TFB2M: variants seen among roughly 807,000 people sequenced by gnomAD.
TFB2M encodes the protein transcription factor B2, mitochondrial.
Under a neutral mutation model 41.3 loss-of-function variants are expected in TFB2M, and 44 were observed. The ratio of observed to expected loss-of-function variants is 1.07; its 90% CI spans 0.84 to 1.37. The LOEUF (loss-of-function observed/expected upper bound fraction) is 1.37. Among genes scored for constraint, TFB2M ranks in the 40% most tolerant of loss-of-function variants. The pLI is 0.00. For missense variants in TFB2M, 496 were observed against 490.2 expected (o/e 1.01, Z -0.11); for synonymous variants, 188 against 176.8 (o/e 1.06, Z -0.50).
chr1:246,548,508 T>C (rs754471878), intron 6 of TFB2M, 37 bp downstream of exon 6: 2 of 1,552,554 alleles, frequency 1.3e-6, no homozygotes, highest in South Asian at 1.2e-5. Flanking sequence ...ATACGTCACG[T>C]AGGGAGAAAA....
chr1:246,556,772 C>T, intron 3 of TFB2M, 51 bp from the exon 4 acceptor site: 2 of 1,447,714 alleles, frequency 1.4e-6, no homozygotes, highest in Non-Finnish European at 1.8e-6. Context: ...AGCATTTTGT[C>T]CTATGTCCAT....
chr1:246,557,641 A>G lies in TFB2M; in HGVS notation c.403-107T>C, dbSNP rs1659359798. On this transcript the variant is annotated intron_variant, in intron 2 of 7. Coordinates refer to ENST00000366514, the MANE Select transcript of TFB2M (RefSeq NM_022366.3). Reference sequence around the variant, plus strand: ...AAACCATAATAAAATGTAAAAATAAAAATAATTCAATTACCTGGGGTTTTT... The same window carrying G: ...AAACCATAATAAAATGTAAAAATAAGAATAATTCAATTACCTGGGGTTTTT... 5 of 969,126 alleles carry G rather than the reference A, an allele frequency of 5.2e-6. No homozygotes were observed. In the South Asian group the frequency reaches 1.0e-4, roughly 20 times the overall value. 60.0% of individuals were successfully genotyped at this position (969,126 alleles called of 1,614,324 possible).
chr1:246,542,286 A>G (rs988068407), intron 7 of TFB2M, among the ~76,000 whole-genome samples: 2 of 150,878 alleles, frequency 1.3e-5, no homozygotes, highest in Non-Finnish European at 2.9e-5. Context: ...TATATAATCA[A>G]TGAGGTATAT....
At chr1:246,548,783 AGAG>A (rs931528094) in intron 5 of TFB2M, among the ~76,000 whole-genome samples, 176 bp from the exon 6 acceptor site, 8 of 152,314 alleles carry the variant, frequency 5.3e-5, no homozygotes, top group African/African-American at 1.4e-4. Context: ...ATTTTTTTAA[AGAG>A]GAGGAGGATC....
intron 5 of TFB2M, among the ~76,000 whole-genome samples, chr1:246,550,753 C>T (rs1191361891): frequency 1.3e-5 from 2 of 152,186 alleles, no homozygotes; most frequent in South Asian, 2.1e-4. Flanking sequence ...TGTGGCGGTG[C>T]ACGCCTGTAG....
At chr1:246,565,624 A>T (rs1162418815) in intron 1 of TFB2M, among the ~76,000 whole-genome samples, 1 of 152,210 alleles carries the variant, frequency 6.6e-6, no homozygotes, top group East Asian at 1.9e-4. Context: ...AGGCAGGAGA[A>T]TCGCCTGAAC....
chr1:246,544,833 T>A, intron 6 of TFB2M, 152 bp from the exon 7 acceptor site: 1 of 639,966 alleles, frequency 1.6e-6, no homozygotes, highest in African/African-American at 1.9e-5. Context: ...GGAGATAGAG[T>A]CTCACTCTGT....
In TFB2M at chr1:246,540,670, A is replaced by T. The variant is rs2102981155; in HGVS notation, c.*361T>A. The T allele has an allele frequency of 5.8e-6, 1 of 172,918 alleles. No individual in the cohort carries two copies. Among genetic ancestry groups the T allele is most frequent in the East Asian group, 1.6e-4 (1 of 6,214 alleles). The allele number at this position is 172,918 out of a possible 1,614,324, so 10.7% of individuals were successfully genotyped here. On this transcript the variant is annotated 3_prime_UTR_variant, in exon 8 of 8. Coordinates refer to ENST00000366514, the MANE Select transcript of TFB2M (RefSeq NM_022366.3). ...ATTTCAACAAACTGAAAGGCAAACC[A>T]GTAAATCAGTTTTGCTTACTTTCTA...
chr1:246,551,306 G>A lies in TFB2M; in HGVS notation c.706-4C>T. 1.9e-6 allele frequency: 3 copies of A among 1,603,092 alleles called. No individual in the cohort carries two copies. The highest frequency in any genetic ancestry group is 1.7e-6 in the Non-Finnish European group (2 of 1,170,192). ...TTCCGGGATCTGCCATTAGTTTCTA[G>A]TAAAAGGAAAATAAAAATTACATGT... is the stretch of plus-strand genomic sequence containing the variant. On this transcript the variant is annotated splice_polypyrimidine_tract_variant and splice_region_variant and intron_variant, in intron 4 of 7. Coordinates refer to ENST00000366514, the MANE Select transcript of TFB2M (RefSeq NM_022366.3).
chr1:246,564,466 G>C, intron 1 of TFB2M, 32 bp from the exon 2 acceptor site: 1 of 1,585,620 alleles, frequency 6.3e-7, no homozygotes, highest in Non-Finnish European at 8.7e-7. Context: ...AAGTTTATTT[G>C]TACAAGAAAC....
At chr1:246,557,357 G>A in intron 3 of TFB2M, 24 bp downstream of exon 3, 2 of 1,604,128 alleles carry the variant, frequency 1.2e-6, no homozygotes, top group Non-Finnish European at 1.7e-6. Flanking sequence ...CTAGGTATTT[G>A]CTTTAGTAAA....
chr1:246,555,540 C>A (rs960102610), intron 4 of TFB2M, among the ~76,000 whole-genome samples: 3 of 152,050 alleles, frequency 2.0e-5, no homozygotes, highest in Non-Finnish European at 2.9e-5. Context: ...TCACTGCACT[C>A]CAGCCTGGGC....
At chr1:246,541,657 C>G (rs1458964070) in intron 7 of TFB2M, among the ~76,000 whole-genome samples, 1 of 152,212 alleles carries the variant, frequency 6.6e-6, no homozygotes, top group Non-Finnish European at 1.5e-5. Context: ...TTCACATACT[C>G]TAATCAATTT....
At chr1:246,547,481 T>C (rs775296751) in intron 6 of TFB2M, among the ~76,000 whole-genome samples, 3 of 152,176 alleles carry the variant, frequency 2.0e-5, no homozygotes, top group African/African-American at 4.8e-5. Context: ...GCTGTATAAA[T>C]AGTCAAACAG....
chr1:246,565,382 G>A (rs568313566), intron 1 of TFB2M, among the ~76,000 whole-genome samples: 47 of 152,314 alleles, frequency 3.1e-4, no homozygotes, highest in African/African-American at 1.1e-3. Context: ...CTACGCTTAT[G>A]TAGTGGGCAA....
rs1442399808 is a variant in TFB2M, at chr1:246,557,488, T to C, written c.449A>G (p.Asp150Gly). The change falls in exon 3 of 8, where the codon GAC becomes GGC. Residue 150 changes from aspartate (D) to glycine (G), a missense_variant. Coordinates refer to ENST00000366514, the MANE Select transcript of TFB2M (RefSeq NM_022366.3). Reference sequence around the variant, plus strand: ...ACTTCTAGGATCTAGTTTAAAGAAGTCACAGTGAATCACTCGTAGTTTTCC... The same window carrying C: ...ACTTCTAGGATCTAGTTTAAAGAAGCCACAGTGAATCACTCGTAGTTTTCC... ...LDGKLRVIHCDFFKLDPRSGG... is the reference protein window; with the variant it reads ...LDGKLRVIHCGFFKLDPRSGG... The C allele has an allele frequency of 6.2e-7, 1 of 1,612,142 alleles. No homozygotes were observed. Among genetic ancestry groups the C allele is most frequent in the Non-Finnish European group, 8.5e-7 (1 of 1,179,324 alleles).
chr1:246,544,907 G>A lies in TFB2M; in HGVS notation c.859-226C>T, dbSNP rs537967869. Among the ~76,000 whole-genome samples, 13 of 151,950 alleles carry A rather than the reference G, an allele frequency of 8.6e-5. 1 individual carries two copies. The highest frequency in any genetic ancestry group is 2.9e-4 in the African/African-American group (12 of 41,468). On this transcript the variant is annotated intron_variant, in intron 6 of 7. Coordinates refer to ENST00000366514, the MANE Select transcript of TFB2M (RefSeq NM_022366.3). Reference sequence around the variant, plus strand: ...TGAAAGCTCCATCTCCCGGGTTCATGCCATTCTCCTGCCTCAGCCTCCCGA... The same window carrying A: ...TGAAAGCTCCATCTCCCGGGTTCATACCATTCTCCTGCCTCAGCCTCCCGA...
intron 2 of TFB2M, among the ~76,000 whole-genome samples, chr1:246,559,907 G>C (rs1015051578): frequency 6.6e-6 from 1 of 152,210 alleles, no homozygotes; most frequent in African/African-American, 2.4e-5. Context: ...AGGAAAACCA[G>C]AAGAGTGTGG....
rs184383362 is a variant in TFB2M at position 246,541,628 on chromosome 1, T to C, written c.1020-426A>G. Among the ~76,000 whole-genome samples, 1,450 of 152,352 alleles carry C rather than the reference T, an allele frequency of 9.5e-3. 7 individuals are homozygous for C. The highest frequency in any genetic ancestry group is 0.017 in the South Asian group (80 of 4,828). ...TCATAGCTAACCTATAATGAAAATATTAATAGCAGGTTTAGGCTTTCACAT... is the reference window on the plus strand; with the variant it reads ...TCATAGCTAACCTATAATGAAAATACTAATAGCAGGTTTAGGCTTTCACAT... On this transcript the variant is annotated intron_variant, in intron 7 of 7. Coordinates refer to ENST00000366514, the MANE Select transcript of TFB2M (RefSeq NM_022366.3).
Sources: allele counts gnomAD v4.1 joint callset (sites outside exome capture counted in the v4.1 genomes callset), GRCh38; gene constraint gnomAD v4.1.1; transcripts MANE v1.5; gene names NCBI Gene and HGNC (gene_info 2026-07-23, HGNC 2026-07-21).